CATSPERE: variants seen among roughly 807,000 people sequenced by gnomAD.
CATSPERE encodes the protein cation channel sperm-associated auxiliary subunit epsilon.
Under a neutral mutation model 114.1 loss-of-function variants are expected in CATSPERE, and 93 were observed. The ratio of observed to expected loss-of-function variants is 0.81; its 90% confidence interval spans 0.69 to 0.97. The LOEUF is 0.97. CATSPERE is among the 50% of genes least tolerant of loss of function. The probability of loss-of-function intolerance (pLI) is 0.00; values close to 1 mark genes in which losing one functional copy is unlikely to be tolerated. For missense variants in CATSPERE, 1,058 were observed against 1,131.6 expected (o/e 0.93, Z 0.93); for synonymous variants, 341 against 384.1 (o/e 0.89, Z 1.31).
chr1:244,592,764 C>A (rs1667889313), intron 15 of CATSPERE, among the ~76,000 whole-genome samples: 1 of 152,144 alleles, frequency 6.6e-6, no homozygotes, highest in Admixed American at 6.6e-5. Flanking sequence ...CTGGCAGCTG[C>A]ACCTGAAAGG....
At chr1:244,561,882 TG>T in intron 10 of CATSPERE, among the ~76,000 whole-genome samples, 1 of 152,298 alleles carries the variant, frequency 6.6e-6, no homozygotes, top group East Asian at 1.9e-4. Context: ...CCAGGCGTGG[TG>T]GCTCACGCTT....
chr1:244,635,819 C>T (rs768197377), intron 21 of CATSPERE, among the ~76,000 whole-genome samples: 4 of 152,188 alleles, frequency 2.6e-5, no homozygotes, highest in Non-Finnish European at 2.9e-5. Context: ...GCTATGAAAT[C>T]TATCTTCCCA....
At position 244,515,343 on chromosome 1, in the gene CATSPERE, TTA is replaced by T. The variant is rs1276897428; in HGVS notation, c.430-3247_430-3246del. The stretch of plus-strand genomic sequence containing the variant: ...CCTCTGGATGGTGAGATTTTTTTCA[TTA>T]TTTGTTCAACAAATATTTATAAATG... On this transcript the variant is annotated intron_variant, in intron 7 of 21. Coordinates refer to ENST00000366534, the MANE Select transcript of CATSPERE (RefSeq NM_001130957.2). 9.2e-6 allele frequency: 9 copies of T among 977,812 alleles called. No homozygotes were observed. The African/African-American group carries it at 1.4e-4, about 15-fold the overall frequency. The allele number at this position is 977,812 out of a possible 1,614,324, so 60.6% of individuals were successfully genotyped here. A position where few individuals can be genotyped will look rare whatever the true frequency, so the allele number is the denominator to read the frequency against.
upstream of CATSPERE, among the ~76,000 whole-genome samples, chr1:244,458,175 C>T (rs2148047397): frequency 6.6e-6 from 1 of 152,162 alleles, no homozygotes; most frequent in African/African-American, 2.4e-5. Context: ...GAGACTGTGA[C>T]ATTAGAATAG....
chr1:244,588,119 G>A (rs753019472), intron 13 of CATSPERE, among the ~76,000 whole-genome samples: 5 of 151,502 alleles, frequency 3.3e-5, no homozygotes, highest in African/African-American at 7.3e-5. Flanking sequence ...GCTTGAACTC[G>A]GGTGGCGTAG....
chr1:244,584,379 A>C (rs1218925578), intron 13 of CATSPERE, among the ~76,000 whole-genome samples: 1 of 152,090 alleles, frequency 6.6e-6, no homozygotes, highest in African/African-American at 2.4e-5. Flanking sequence ...AAGTTTACTG[A>C]GACTGGGAGG....
intron 7 of CATSPERE, among the ~76,000 whole-genome samples, chr1:244,506,185 A>G (rs543160541): frequency 1.3e-5 from 2 of 152,306 alleles, no homozygotes; most frequent in African/African-American, 4.8e-5. Context: ...AATGTCTTCA[A>G]GGTTCACCCA....
intron 8 of CATSPERE, among the ~76,000 whole-genome samples, chr1:244,518,906 A>G (rs1677074141): frequency 6.6e-6 from 1 of 152,142 alleles, no homozygotes; most frequent in Non-Finnish European, 1.5e-5. Context: ...GTGTCCATAC[A>G]TAATCCTCAA....
At chr1:244,625,147 C>A (rs1343637491) in intron 20 of CATSPERE, among the ~76,000 whole-genome samples, 1 of 151,798 alleles carries the variant, frequency 6.6e-6, no homozygotes, top group Non-Finnish European at 1.5e-5. Context: ...AGAGGATTTA[C>A]TATCCATGGC....
chr1:244,617,611 G>T lies in CATSPERE; in HGVS notation c.2573G>T (p.Gly858Val). ...TACGAGATTATCAACAGTTCTAATG[G>T]TAACCATATATTTTGGCCCATGGGC... ...QPYEIINSSN[G>V]NHIFWPMGHS... is the part of the protein sequence containing the mutation. Residue 858 changes from glycine (G) to valine (V), a missense_variant, in exon 20 of 22, where the codon GGT becomes GTT. Around this residue, in one of 2 missense-constraint regions of CATSPERE, gnomAD observed 787 missense variants for 905.6 expected, o/e 0.87. Transcript: ENST00000366534. The T allele has an allele frequency of 6.5e-7, 1 of 1,542,992 alleles. No homozygotes were observed. The highest frequency in any genetic ancestry group is 8.7e-7 in the Non-Finnish European group (1 of 1,144,664).
intron 5 of CATSPERE, among the ~76,000 whole-genome samples, chr1:244,486,909 C>T (rs1421921197): frequency 2.4e-5 from 3 of 126,236 alleles, no homozygotes; most frequent in African/African-American, 6.0e-5. Flanking sequence ...GTGGAGTACT[C>T]GTGGGCCAGG....
chr1:244,587,544 T>A (rs1314037648), intron 13 of CATSPERE, among the ~76,000 whole-genome samples: 2 of 152,246 alleles, frequency 1.3e-5, no homozygotes, highest in Non-Finnish European at 2.9e-5. Context: ...TTAACAAAGC[T>A]ATAGGATCCA....
rs576032344 is a variant in CATSPERE, at chr1:244,516,494, C to T, written c.430-2098C>T. ...TCCTGAGTAGCTGGGACTACAGGTG[C>T]GCACCACCGTGCCATGCTAAAAGGG... On this transcript the variant is annotated intron_variant, in intron 7 of 21. Transcript: ENST00000366534. 1.5e-4 allele frequency among the ~76,000 whole-genome samples: 23 copies of T among 149,398 alleles called. No homozygotes were observed. The South Asian group carries it at 2.1e-3, about 14-fold the overall frequency.
rs776922670 is a variant in CATSPERE at position 244,552,555 on chromosome 1, T to G, written c.770T>G (p.Met257Arg). 35 of 1,614,116 alleles carry G rather than the reference T, an allele frequency of 2.2e-5. No individual in the cohort carries two copies. The highest frequency in any genetic ancestry group is 2.9e-5 in the Non-Finnish European group (34 of 1,180,054). Reference protein sequence around the residue: ...VVASAVLVTDMETFHTTDSFK... With the variant: ...VVASAVLVTDRETFHTTDSFK... Reference sequence around the variant, plus strand: ...GCATCTGCTGTTTTGGTGACAGATATGGAGACCTTTCACACAACTGATTCA... The same window carrying G: ...GCATCTGCTGTTTTGGTGACAGATAGGGAGACCTTTCACACAACTGATTCA... The change falls in exon 9 of 22, where the codon ATG (methionine) becomes AGG (arginine). Residue 257 changes from methionine to arginine, a missense_variant. Physicochemically the swap from Met to Arg is moderately conservative, Grantham distance 91. Transcript: ENST00000366534.
intron 11 of CATSPERE, among the ~76,000 whole-genome samples, chr1:244,578,843 T>TATATATATATATACAC (rs756669283): frequency 2.1e-5 from 3 of 139,598 alleles, no homozygotes; most frequent in Admixed American, 7.2e-5. Context: ...TATATATATA[T>TATATATATATATACAC]ACACACACAC....
intron 20 of CATSPERE, among the ~76,000 whole-genome samples, chr1:244,624,868 A>C (rs147063531): frequency 6.6e-6 from 1 of 152,138 alleles, no homozygotes; most frequent in Non-Finnish European, 1.5e-5. Flanking sequence ...CATCCATTCA[A>C]GTTTTATCAT....
In CATSPERE at chr1:244,623,428, T is replaced by G. The variant is rs557805894; in HGVS notation, c.2648+5742T>G. Among the ~76,000 whole-genome samples the G allele has an allele frequency of 3.3e-5, 5 of 152,314 alleles. No individual in the cohort carries two copies. The East Asian group carries it at 9.6e-4, about 29-fold the overall frequency. ...TTGGCTAGAAGCAATCTTGTGGGGA[T>G]AACATGAAAATACATATGACACTCG... On this transcript the variant is annotated intron_variant, in intron 20 of 21. Coordinates refer to ENST00000366534, the MANE Select transcript of CATSPERE (RefSeq NM_001130957.2).
chr1:244,521,918 T>TAGAC (rs140575550), intron 8 of CATSPERE, among the ~76,000 whole-genome samples: 19,410 of 151,896 alleles, frequency 0.13, 2,131 homozygotes, highest in African/African-American at 0.3. Flanking sequence ...CTGTCAACAT[T>TAGAC]AGATCAACGA....
chr1:244,610,482 T>C (rs6698173), intron 19 of CATSPERE, 156 bp downstream of exon 19: 574,974 of 705,146 alleles, frequency 0.82, 236,904 homozygotes, highest in East Asian at 0.87. Context: ...ATTTTTAAAA[T>C]GCTTCATCTT....
Sources: allele counts gnomAD v4.1 joint callset (sites outside exome capture counted in the v4.1 genomes callset), GRCh38; gene constraint gnomAD v4.1.1; regional missense constraint gnomAD v4.1.1; transcripts MANE v1.5; gene names NCBI Gene and HGNC (gene_info 2026-07-23, HGNC 2026-07-21).